The following PPP3CA variants were observed in gnomAD, a reference collection of about 807,000 sequenced individuals.
The protein encoded by PPP3CA is CAM-PRP catalytic subunit.
Under a neutral mutation model 66.5 loss-of-function variants are expected in PPP3CA, and 14 were observed. That is an observed-to-expected ratio of 0.21 (90% CI 0.14 to 0.33). PPP3CA has a LOEUF of 0.33. Among genes scored for constraint, PPP3CA ranks in the 10% least tolerant of loss-of-function variants. The pLI is 1.00. For synonymous variants in PPP3CA, 232 were observed against 226.2 expected (o/e 1.03, Z -0.23); for missense variants, 317 against 639.5 (o/e 0.50, Z 5.44).
intron 2 of PPP3CA, among the ~76,000 whole-genome samples, chr4:101,133,552 C>T (rs528652072): frequency 6.6e-6 from 1 of 152,156 alleles, no homozygotes; most frequent in African/African-American, 2.4e-5. Flanking sequence ...TGTGAAGGAC[C>T]TCTTCAAGCA....
intron 2 of PPP3CA, among the ~76,000 whole-genome samples, chr4:101,117,630 G>T (rs1467287349): frequency 1.3e-5 from 2 of 151,410 alleles, no homozygotes; most frequent in Admixed American, 6.6e-5. Context: ...TTATAGTCAC[G>T]GTTGTGGTGC....
chr4:101,206,481 T>C (rs1038793991), intron 1 of PPP3CA, among the ~76,000 whole-genome samples: 1 of 152,194 alleles, frequency 6.6e-6, no homozygotes, highest in Non-Finnish European at 1.5e-5. Context: ...ATAATTTGCA[T>C]CCATACGTAA....
chr4:101,192,734 C>T (rs1724647259), intron 2 of PPP3CA, among the ~76,000 whole-genome samples: 1 of 152,180 alleles, frequency 6.6e-6, no homozygotes, highest in East Asian at 1.9e-4. Context: ...TGGCTCTCTG[C>T]ATTCCTTTTG....
At chr4:101,139,628 G>C (rs972659353) in intron 2 of PPP3CA, among the ~76,000 whole-genome samples, 5 of 150,870 alleles carry the variant, frequency 3.3e-5, no homozygotes, top group Admixed American at 2.6e-4. Flanking sequence ...AACATGAACA[G>C]AGTCCTGATA....
At chr4:101,334,521 A>AT (rs1279325822) in intron 1 of PPP3CA, among the ~76,000 whole-genome samples, 1 of 152,088 alleles carries the variant, frequency 6.6e-6, no homozygotes, top group Non-Finnish European at 1.5e-5. Context: ...GAATAACAGG[A>AT]TTTTTTTCCT....
intron 13 of PPP3CA, among the ~76,000 whole-genome samples, chr4:101,027,773 GGAGTGTTAAAAATGTAGCTA>G (rs1331679218): frequency 1.3e-5 from 2 of 152,072 alleles, no homozygotes; most frequent in African/African-American, 2.4e-5. Flanking sequence ...CAATAGGGTG[GGAGTGTTAAAAATGTAGCTA>G]GAACAATGGA....
chr4:101,113,873 G>A lies in PPP3CA; in HGVS notation c.260-4795C>T, dbSNP rs1449842484. 6.0e-4 allele frequency among the ~76,000 whole-genome samples: 92 copies of A among 152,112 alleles called. 1 individual carries two copies. The highest frequency in any genetic ancestry group is 1.9e-4 in the East Asian group (1 of 5,192). ...ATGCCAATGCCAACTGATAATACAA[G>A]CTGTCTGCTTGGTTGCTCAGGGCCC... On this transcript the variant is annotated intron_variant, in intron 2 of 13. Transcript: ENST00000394854.
intron 2 of PPP3CA, among the ~76,000 whole-genome samples, chr4:101,193,157 A>G (rs762002341): frequency 7.9e-5 from 12 of 152,130 alleles, no homozygotes; most frequent in Non-Finnish European, 1.6e-4. Flanking sequence ...TTCCTGTTAT[A>G]TTCTGAGCCC....
At chr4:101,049,930 CT>C (rs1421827585) in intron 10 of PPP3CA, among the ~76,000 whole-genome samples, 4 of 152,178 alleles carry the variant, frequency 2.6e-5, no homozygotes, top group African/African-American at 9.6e-5. Context: ...ATCTAATGAG[CT>C]TATCTGAAAG....
At chr4:101,329,033 T>G (rs1298816757) in intron 1 of PPP3CA, among the ~76,000 whole-genome samples, 1 of 152,002 alleles carries the variant, frequency 6.6e-6, no homozygotes, top group Non-Finnish European at 1.5e-5. Flanking sequence ...TGCACATGTT[T>G]CACTTTAAAT....
In PPP3CA at chr4:101,106,324, C is replaced by A. The variant is rs533879498; in HGVS notation, c.384+2630G>T. Among the ~76,000 whole-genome samples the A allele has an allele frequency of 2.1e-5, 3 of 146,016 alleles. No individual in the cohort carries two copies. The East Asian group carries it at 6.3e-4, about 31-fold the overall frequency. On this transcript the variant is annotated intron_variant, in intron 3 of 13. Transcript: ENST00000394854. ...ACAGTGAGCTATGACTGTGCTACTG[C>A]ATTGTAGCCTGGGTGACAGAGGGAG...
intron 10 of PPP3CA, among the ~76,000 whole-genome samples, chr4:101,044,041 C>T (rs908319904): frequency 6.6e-6 from 1 of 152,038 alleles, no homozygotes; most frequent in Non-Finnish European, 1.5e-5. Flanking sequence ...CAATCTTTTC[C>T]ATATAATCAA....
At chr4:101,328,694 C>T (rs986875178) in intron 1 of PPP3CA, among the ~76,000 whole-genome samples, 3 of 152,180 alleles carry the variant, frequency 2.0e-5, no homozygotes, top group Admixed American at 6.5e-5. Flanking sequence ...ATTTTTCCAT[C>T]AGCATGTGCT....
intron 1 of PPP3CA, among the ~76,000 whole-genome samples, chr4:101,249,791 T>C (rs578260516): frequency 6.6e-6 from 1 of 152,284 alleles, no homozygotes; most frequent in African/African-American, 2.4e-5. Context: ...TATTATATCA[T>C]GTTTTAATAT....
intron 13 of PPP3CA, among the ~76,000 whole-genome samples, chr4:101,027,881 G>T (rs749177768): frequency 6.6e-6 from 1 of 152,116 alleles, no homozygotes; most frequent in Non-Finnish European, 1.5e-5. Context: ...GTAGTTGCTG[G>T]TCAGACAATG....
At position 101,059,405 on chromosome 4, in the gene PPP3CA, A is replaced by G. The variant is rs562994831; in HGVS notation, c.1156+1682T>C. 2.6e-5 allele frequency among the ~76,000 whole-genome samples: 4 copies of G among 152,242 alleles called. No homozygotes were observed. The East Asian group carries it at 5.8e-4, about 22-fold the overall frequency. On this transcript the variant is annotated intron_variant, in intron 10 of 13. Transcript: ENST00000394854. ...ATGTGGTATATGACTCAAAAATAGTATATGAAGACAAGTAATAAAGACAAG... is the reference window on the plus strand; with the variant it reads ...ATGTGGTATATGACTCAAAAATAGTGTATGAAGACAAGTAATAAAGACAAG...
chr4:101,104,081 A>G (rs760692474), intron 3 of PPP3CA, among the ~76,000 whole-genome samples: 4 of 152,188 alleles, frequency 2.6e-5, no homozygotes, highest in Non-Finnish European at 1.5e-5. Flanking sequence ...TGCCCAGAGC[A>G]CATTACCTAG....
intron 1 of PPP3CA, among the ~76,000 whole-genome samples, chr4:101,345,122 G>A (rs1729938541): frequency 6.6e-6 from 1 of 152,104 alleles, no homozygotes; most frequent in Non-Finnish European, 1.5e-5. Flanking sequence ...AATCATTTTT[G>A]CAGAGCTATT....
At chr4:101,317,912 C>T (rs1183052022) in intron 1 of PPP3CA, among the ~76,000 whole-genome samples, 1 of 152,190 alleles carries the variant, frequency 6.6e-6, no homozygotes, top group Non-Finnish European at 1.5e-5. Flanking sequence ...GGAAAAACAA[C>T]AATATCTACC....
Sources: allele counts gnomAD v4.1 joint callset (sites outside exome capture counted in the v4.1 genomes callset), GRCh38; gene constraint gnomAD v4.1.1; transcripts MANE v1.5; gene names NCBI Gene and HGNC (gene_info 2026-07-23, HGNC 2026-07-21).